Variants in TUB observed in about 807,000 individuals in gnomAD.
TUB encodes TUB bipartite transcription factor.
A neutral mutation model predicts 59.7 loss-of-function variants in TUB; 33 were observed. The observed-to-expected ratio is 0.55, with a 90% confidence interval of 0.42 to 0.74. The LOEUF (loss-of-function observed/expected upper bound fraction) is 0.74, where lower values mean the gene tolerates loss of function less well. TUB is among the 30% of genes least tolerant of loss of function. The probability of loss-of-function intolerance (pLI) is 0.00; values close to 1 mark genes in which losing one functional copy is unlikely to be tolerated. For missense variants in TUB, 659 were observed against 672.0 expected (o/e 0.98, Z 0.21); for synonymous variants, 293 against 256.4 (o/e 1.14, Z -1.36).
chr11:8,072,388 G>A (rs1197187778), intron 2 of TUB, among the ~76,000 whole-genome samples: 3 of 152,202 alleles, frequency 2.0e-5, no homozygotes, highest in Middle Eastern at 3.2e-3. Context: ...CCTCATCTGC[G>A]GTGGGCGGCG....
rs541906702 is a variant in TUB, at chr11:8,053,943, G to A, written c.203+14251G>A. On this transcript the variant is annotated intron_variant, in intron 2 of 12. Coordinates refer to the TUB transcript ENST00000305253. ...ATCCTGGCTAACACGGTGAAACCCCGTCTCTACTAAAAATACAAAAATATT... is the reference window on the plus strand; with the variant it reads ...ATCCTGGCTAACACGGTGAAACCCCATCTCTACTAAAAATACAAAAATATT... 1.6e-3 allele frequency among the ~76,000 whole-genome samples: 244 copies of A among 151,504 alleles called. 1 individual carries two copies. The highest frequency in any genetic ancestry group is 5.2e-3 in the African/African-American group (214 of 41,396).
intron 2 of TUB, among the ~76,000 whole-genome samples, chr11:8,065,733 T>A (rs1230694009): frequency 2.6e-5 from 4 of 152,174 alleles, no homozygotes; most frequent in African/African-American, 9.7e-5. Context: ...AGAGCAGCTC[T>A]GCTTCAGGGT....
At position 8,100,372 on chromosome 11, in the gene TUB, A is replaced by G. The variant is rs1944220407; in HGVS notation, c.1117-131A>G. The stretch of plus-strand genomic sequence containing the variant: ...GCTCAGTTCTGGCCGTGTTAGGTTT[A>G]GAGGGATGTGTGTTAGACTTCGGAG... On this transcript the variant is annotated intron_variant, in intron 9 of 11. Transcript: ENST00000299506. 5 of 721,720 alleles carry G rather than the reference A, an allele frequency of 6.9e-6. No homozygotes were observed. In the East Asian group the frequency reaches 1.1e-4, roughly 16 times the overall value. 44.7% of individuals were successfully genotyped at this position (721,720 alleles called of 1,614,324 possible).
At chr11:8,055,835 G>A (rs991820075) in intron 2 of TUB, among the ~76,000 whole-genome samples, 5 of 152,200 alleles carry the variant, frequency 3.3e-5, no homozygotes, top group African/African-American at 1.2e-4. Context: ...TTGGAAGCAG[G>A]AGCCCTGGCC....
At chr11:8,061,923 CT>C (rs1943136672) in intron 2 of TUB, 1 of 152,626 alleles carries the variant, frequency 6.6e-6, no homozygotes, top group African/African-American at 2.4e-5. Flanking sequence ...TGCTCCAAAA[CT>C]CCTGGGAAGA....
intron 1 of TUB, among the ~76,000 whole-genome samples, chr11:8,029,637 C>T (rs1228675160): frequency 6.6e-6 from 1 of 152,046 alleles, no homozygotes; most frequent in Non-Finnish European, 1.5e-5. Flanking sequence ...GATCTGCCCG[C>T]CTCAGCCTCC....
intron 2 of TUB, among the ~76,000 whole-genome samples, chr11:8,046,886 T>C (rs952983687): frequency 3.3e-5 from 5 of 152,304 alleles, no homozygotes; most frequent in Non-Finnish European, 4.4e-5. Context: ...ACACATAAAA[T>C]ACACTAGCAC....
At chr11:8,058,960 C>T (rs923003004) in intron 2 of TUB, among the ~76,000 whole-genome samples, 32 of 152,304 alleles carry the variant, frequency 2.1e-4, no homozygotes, top group Middle Eastern at 3.4e-3. Context: ...ATTGAGTCTA[C>T]GCATGCAGAC....
intron 1 of TUB, among the ~76,000 whole-genome samples, chr11:8,024,712 T>C (rs7951288): frequency 0.99 from 151,305 of 152,368 alleles, 75,132 homozygotes; most frequent in Middle Eastern, 1. Flanking sequence ...AAAACAAACT[T>C]CTGAAGAAGG....
At chr11:8,084,090 C>T (rs986441146) in intron 1 of TUB, among the ~76,000 whole-genome samples, 9 of 152,060 alleles carry the variant, frequency 5.9e-5, no homozygotes, top group Non-Finnish European at 1.2e-4. Flanking sequence ...TGTGAGGTTT[C>T]CCTAATGTCA....
upstream of TUB, among the ~76,000 whole-genome samples, chr11:8,037,527 A>G (rs548491507): frequency 1.3e-5 from 2 of 152,330 alleles, no homozygotes; most frequent in South Asian, 2.1e-4. Flanking sequence ...GCATCTGGGT[A>G]TCACTTTTCC....
chr11:8,020,450 C>G (rs963429706), intron 1 of TUB, among the ~76,000 whole-genome samples: 6 of 152,154 alleles, frequency 3.9e-5, no homozygotes, highest in African/African-American at 1.2e-4. Flanking sequence ...GCCTAGGACC[C>G]CTCCTCACCT....
At chr11:8,034,537 G>GT (rs554519409), upstream of TUB, among the ~76,000 whole-genome samples, 267 of 152,304 alleles carry the variant, frequency 1.8e-3, no homozygotes, top group Non-Finnish European at 2.5e-3. Flanking sequence ...AGGCTCCAGA[G>GT]TAAGACTGGC....
exon 1 of TUB, chr11:8,039,001 C>T (rs1194860072): frequency 1.2e-6 from 2 of 1,613,602 alleles, no homozygotes; most frequent in Non-Finnish European, 1.7e-6. Flanking sequence ...AAACCTGGGC[C>T]CCTGAAACGG....
At chr11:8,098,692 G>A (rs1288934122) in intron 8 of TUB, 66 bp from the exon 9 acceptor site, 16 of 1,248,378 alleles carry the variant, frequency 1.3e-5, no homozygotes, top group East Asian at 4.7e-5. Flanking sequence ...TAGGACAGAC[G>A]ATGAGCTGTT....
intron 2 of TUB, among the ~76,000 whole-genome samples, chr11:8,069,763 T>G (rs1314480357): frequency 6.6e-6 from 1 of 152,142 alleles, no homozygotes; most frequent in Admixed American, 6.5e-5. Flanking sequence ...GGCAGACGAG[T>G]AGCTTATCCC....
upstream of TUB, among the ~76,000 whole-genome samples, chr11:8,079,241 C>A (rs945007887): frequency 6.6e-6 from 1 of 152,154 alleles, no homozygotes; most frequent in African/African-American, 2.4e-5. Flanking sequence ...GACATGGTAG[C>A]TACTAATTGC....
chr11:8,058,243 G>A (rs1036462024), intron 2 of TUB, among the ~76,000 whole-genome samples: 1 of 150,428 alleles, frequency 6.6e-6, no homozygotes, highest in Non-Finnish European at 1.5e-5. Flanking sequence ...AAAAAGAAGC[G>A]GTATAAATTT....
chr11:8,040,256 G>A (rs1252373078), intron 2 of TUB, among the ~76,000 whole-genome samples: 1 of 152,204 alleles, frequency 6.6e-6, no homozygotes, highest in African/African-American at 2.4e-5. Flanking sequence ...GGGTCCCAAG[G>A]ATATGTTTCT....
Sources: gnomAD v4.1 joint callset for allele counts (sites outside exome capture counted in the v4.1 genomes callset) on GRCh38, gnomAD v4.1.1 for gene constraint, MANE v1.5 for transcripts, NCBI Gene and HGNC (gene_info 2026-07-23, HGNC 2026-07-21) for gene names.